ZNF362: variants seen among roughly 807,000 people sequenced by gnomAD.
ZNF362 encodes zinc finger protein 362.
A neutral mutation model predicts 42.9 loss-of-function variants in ZNF362; 11 were observed. That is an observed-to-expected ratio of 0.26 (90% confidence interval 0.16 to 0.42). The LOEUF (loss-of-function observed/expected upper bound fraction) is 0.42. Ranked by LOEUF, ZNF362 falls within the 20% of genes least tolerant of loss-of-function variation. ZNF362 has a pLI of 1.00. For missense variants in ZNF362, 362 were observed against 576.2 expected, an observed-to-expected ratio of 0.63 and a Z score of 3.81; for synonymous variants, 255 against 257.3, an observed-to-expected ratio of 0.99 and a Z score of 0.09.
the ZNF362 span, among the ~76,000 whole-genome samples, chr1:33,169,470 A>G: frequency 6.6e-6 from 1 of 152,116 alleles, no homozygotes; most frequent in African/African-American, 2.4e-5. Context: ...CTGCTGCTCC[A>G]AGTGCCCTGC....
chr1:33,160,996 C>CAA, the ZNF362 span, among the ~76,000 whole-genome samples: 5 of 152,234 alleles, frequency 3.3e-5, no homozygotes, highest in African/African-American at 1.2e-4. Context: ...TGGTGCCTGA[C>CAA]AGTCTGCGTA....
chr1:33,191,599 G>C, the ZNF362 span, among the ~76,000 whole-genome samples: 8 of 152,244 alleles, frequency 5.3e-5, no homozygotes, highest in South Asian at 1.7e-3. Context: ...CTGCCTCCCA[G>C]GTTCAAGTGA....
At chr1:33,183,215 A>G in the ZNF362 span, among the ~76,000 whole-genome samples, 2 of 152,146 alleles carry the variant, frequency 1.3e-5, no homozygotes, top group Non-Finnish European at 2.9e-5. Flanking sequence ...TGATGGTTGG[A>G]TACGGGGGTG....
the ZNF362 span, among the ~76,000 whole-genome samples, chr1:33,156,589 C>T: frequency 6.6e-6 from 1 of 152,138 alleles, no homozygotes; most frequent in Non-Finnish European, 1.5e-5. Flanking sequence ...AGGAGTGTTC[C>T]GGGGCTCCTG....
rs1207849011 is a variant in ZNF362, at chr1:33,266,383, GC to G, written c.-88-4103del. On this transcript the variant is annotated intron_variant, in intron 1 of 8. Coordinates refer to ENST00000539719, the MANE Select transcript of ZNF362 (RefSeq NM_152493.3). The surrounding 1 kb of genome is among the most constrained non-coding windows in gnomAD (Gnocchi z 4.3). ...TGCATGGCTGGCGCTGGGCTCTGGGGCTGCAGCAGTGACGGCTGATGGGGAG... is the reference window on the plus strand; with the variant it reads ...TGCATGGCTGGCGCTGGGCTCTGGGGTGCAGCAGTGACGGCTGATGGGGAG... Among the ~76,000 whole-genome samples the G allele has an allele frequency of 6.6e-6, 1 of 152,222 alleles. No individual in the cohort carries two copies. Among genetic ancestry groups the G allele is most frequent in the Non-Finnish European group, 1.5e-5 (1 of 68,032 alleles).
the ZNF362 span, among the ~76,000 whole-genome samples, chr1:33,127,970 C>T: frequency 6.6e-6 from 1 of 152,122 alleles, no homozygotes. Flanking sequence ...CAGTTATTAG[C>T]TGTGTATCCT....
the ZNF362 span, among the ~76,000 whole-genome samples, chr1:33,219,285 G>A: frequency 6.6e-6 from 1 of 152,186 alleles, no homozygotes; most frequent in Non-Finnish European, 1.5e-5. Flanking sequence ...TACGGTTGGC[G>A]CTCAGTGAGT....
the ZNF362 span, among the ~76,000 whole-genome samples, chr1:33,203,194 A>G: frequency 6.6e-6 from 1 of 151,708 alleles, no homozygotes; most frequent in Non-Finnish European, 1.5e-5. Context: ...CTTTTTTTTG[A>G]TGATTCCACA....
At chr1:33,169,876 C>A in the ZNF362 span, among the ~76,000 whole-genome samples, 2 of 152,186 alleles carry the variant, frequency 1.3e-5, no homozygotes, top group African/African-American at 4.8e-5. Context: ...CACTGAGCAG[C>A]TCGCAGGGCT....
rs1415850313 is a variant in ZNF362, at chr1:33,300,356, C to T, written c.*1310C>T. ...TGTTTGACTTGCGTCGTCTGATACTCAGTATTGTAGCTTTTTGTCCGCATG... is the reference window on the plus strand; with the variant it reads ...TGTTTGACTTGCGTCGTCTGATACTTAGTATTGTAGCTTTTTGTCCGCATG... On this transcript the variant is annotated 3_prime_UTR_variant, in exon 9 of 9. Transcript: ENST00000539719. 7.1e-6 allele frequency: 1 copy of T among 141,300 alleles called. No individual in the cohort carries two copies. Among genetic ancestry groups the T allele is most frequent in the African/African-American group, 2.6e-5 (1 of 38,080 alleles). 8.8% of individuals were successfully genotyped at this position (141,300 alleles called of 1,614,324 possible). A position where few individuals can be genotyped will look rare whatever the true frequency, so the allele number is the denominator to read the frequency against.
At chr1:33,134,428 A>G in the ZNF362 span, among the ~76,000 whole-genome samples, 711 of 152,288 alleles carry the variant, frequency 4.7e-3, 19 homozygotes, top group East Asian at 0.088. Context: ...GAGGAATCCA[A>G]TAATACTGCC....
At chr1:33,235,095 C>T in the ZNF362 span, among the ~76,000 whole-genome samples, 2 of 152,250 alleles carry the variant, frequency 1.3e-5, no homozygotes, top group South Asian at 2.1e-4. Context: ...AAGTTTAATT[C>T]GTAGGAAATG....
the ZNF362 span, among the ~76,000 whole-genome samples, chr1:33,183,567 G>C: frequency 6.6e-6 from 1 of 151,320 alleles, no homozygotes; most frequent in Non-Finnish European, 1.5e-5. Context: ...GTGGTCTCAT[G>C]GAGTGAGTCT....
At chr1:33,207,266 C>A in the ZNF362 span, among the ~76,000 whole-genome samples, 3 of 152,142 alleles carry the variant, frequency 2.0e-5, no homozygotes, top group Non-Finnish European at 2.9e-5. Flanking sequence ...CACGTCCCTG[C>A]AAAGGACATG....
the ZNF362 span, among the ~76,000 whole-genome samples, chr1:33,185,578 GTTC>G: frequency 6.6e-6 from 1 of 152,226 alleles, no homozygotes; most frequent in South Asian, 2.1e-4. Flanking sequence ...CCTCTGAGCA[GTTC>G]TTCTCTTGAC....
the ZNF362 span, among the ~76,000 whole-genome samples, chr1:33,220,776 G>A: frequency 2.9e-4 from 44 of 152,312 alleles, no homozygotes; most frequent in African/African-American, 1.1e-3. Context: ...GGAACCCAGA[G>A]TCTTTGGAGC....
intron 2 of ZNF362, chr1:33,274,887 A>T (rs759011487): frequency 6.5e-6 from 6 of 925,620 alleles, no homozygotes; most frequent in Non-Finnish European, 7.7e-6. Context: ...GCCTACTTTC[A>T]AGTAAAGATC....
chr1:33,273,466 G>C (rs1645920691), intron 2 of ZNF362, among the ~76,000 whole-genome samples: 1 of 152,212 alleles, frequency 6.6e-6, no homozygotes. Flanking sequence ...TCCTGATCAG[G>C]GTAGTGGCTC....
At chr1:33,176,115 A>C in the ZNF362 span, among the ~76,000 whole-genome samples, 4 of 152,178 alleles carry the variant, frequency 2.6e-5, no homozygotes, top group Admixed American at 2.6e-4. Flanking sequence ...TCTCCTTGGA[A>C]AAGTAACAGC....
Sources: gnomAD v4.1 joint callset for allele counts (sites outside exome capture counted in the v4.1 genomes callset) on GRCh38, gnomAD v4.1.1 for gene constraint, Gnocchi (gnomAD v3.1) non-coding constraint, MANE v1.5 for transcripts, NCBI Gene and HGNC (gene_info 2026-07-23, HGNC 2026-07-21) for gene names.